Variants in NDUFAF5 observed in about 807,000 individuals in gnomAD.
NDUFAF5 encodes arginine-hydroxylase NDUFAF5, mitochondrial.
A neutral mutation model predicts 48.9 loss-of-function variants in NDUFAF5; 34 were observed. That is an observed-to-expected ratio of 0.70 (90% confidence interval 0.53 to 0.93). The LOEUF (loss-of-function observed/expected upper bound fraction) is 0.93, where lower values mean the gene tolerates loss of function less well. Ranked by LOEUF, NDUFAF5 falls within the 40% of genes least tolerant of loss-of-function variation. NDUFAF5 has a pLI of 0.00. For missense variants in NDUFAF5, 428 were observed against 427.5 expected, an observed-to-expected ratio of 1.00 and a Z score of -0.01; for synonymous variants, 153 against 150.6, an observed-to-expected ratio of 1.02 and a Z score of -0.12.
At chr20:13,814,681 C>T (rs370144182) in intron 8 of NDUFAF5, among the ~76,000 whole-genome samples, 11 of 152,050 alleles carry the variant, frequency 7.2e-5, no homozygotes, top group Admixed American at 2.6e-4. Flanking sequence ...AAGCCCAGGG[C>T]GAGTCGGAAG....
chr20:13,788,577 C>T lies in NDUFAF5; in HGVS notation c.264-12C>T. 1 of 1,574,656 alleles carries T rather than the reference C, an allele frequency of 6.4e-7. No individual in the cohort carries two copies. ...TATGGACAGAGCATAACCTCTGTGT[C>T]TTTTTTTTTAGAAATTTCCCCCTTG... On this transcript the variant is annotated splice_polypyrimidine_tract_variant and intron_variant, in intron 2 of 10. Transcript: ENST00000378106.
At chr20:13,790,945 C>T (rs1177160961) in intron 3 of NDUFAF5, among the ~76,000 whole-genome samples, 3 of 152,280 alleles carry the variant, frequency 2.0e-5, no homozygotes, top group African/African-American at 7.2e-5. Context: ...CTTACAAGCT[C>T]CTGATGTATG....
rs1980759539 is a variant in NDUFAF5 at position 13,785,211 on chromosome 20, A to T, written c.143A>T (p.Asp48Val). The change falls in exon 1 of 11, where the codon GAC becomes GTC. Residue 48 changes from aspartate (D) to valine (V), a missense_variant. By Grantham distance (152) the Asp-to-Val change is radical. Coordinates refer to ENST00000378106, the MANE Select transcript of NDUFAF5 (RefSeq NM_024120.5). ...STSPRTLNIF[D>V]RDLKRKQKNW... ...TCGCCCAGAACCCTGAATATTTTCG[A>T]CCGGGATTTGAAAAGGAAACAGAAG... 6.2e-7 allele frequency: 1 copy of T among 1,613,572 alleles called. No individual in the cohort carries two copies. Among genetic ancestry groups the T allele is most frequent in the African/African-American group, 1.3e-5 (1 of 74,886 alleles).
intron 8 of NDUFAF5, among the ~76,000 whole-genome samples, chr20:13,811,843 T>C (rs1418909941): frequency 6.6e-6 from 1 of 152,132 alleles, no homozygotes; most frequent in East Asian, 1.9e-4. Flanking sequence ...TTTCGATGAA[T>C]GGGGGAAGCA....
At chr20:13,802,066 C>G (rs1300030273) in intron 7 of NDUFAF5, among the ~76,000 whole-genome samples, 1 of 151,946 alleles carries the variant, frequency 6.6e-6, no homozygotes, top group Non-Finnish European at 1.5e-5. Context: ...AATATTACCA[C>G]CAATAACTAC....
At chr20:13,785,847 TAAATATA>T (rs1277370955) in intron 1 of NDUFAF5, among the ~76,000 whole-genome samples, 4 of 152,236 alleles carry the variant, frequency 2.6e-5, no homozygotes, top group African/African-American at 9.6e-5. Flanking sequence ...TGAAATATAT[TAAATATA>T]AATTTAAATT....
chr20:13,788,908 A>G lies in NDUFAF5; in HGVS notation c.327+256A>G, dbSNP rs541390826. On this transcript the variant is annotated intron_variant, in intron 3 of 10. Coordinates refer to ENST00000378106, the MANE Select transcript of NDUFAF5 (RefSeq NM_024120.5). ...TAATTTATTTGAATCTATAGAAGAT[A>G]TATTTCTCTTTGTTCACATTTTTTT... is the stretch of plus-strand genomic sequence containing the variant. Among the ~76,000 whole-genome samples the G allele has an allele frequency of 1.6e-4, 25 of 152,216 alleles. No individual in the cohort carries two copies. In the South Asian group the frequency reaches 4.8e-3, roughly 29 times the overall value.
intron 7 of NDUFAF5, among the ~76,000 whole-genome samples, chr20:13,803,848 C>T (rs6033826): frequency 0.17 from 25,895 of 151,732 alleles, 2,901 homozygotes; most frequent in East Asian, 0.43. Context: ...TGCAATGGCA[C>T]GGTCTTGGCC....
Position 13,801,583 on chromosome 20 carries a change from C to T in NDUFAF5, c.617C>T (p.Thr206Met), listed in dbSNP as rs141758325. 4.0e-5 allele frequency: 64 copies of T among 1,613,950 alleles called. No homozygotes were observed. The East Asian group carries it at 9.8e-4, about 25-fold the overall frequency. ...ELRCSLQLAE[T>M]EREGGFSPHI... ...CGGTGTTCCTTACAGTTAGCGGAAA[C>T]GGAAAGGGAAGGAGGATTTTCTCCA... The change falls in exon 7 of 11, where the codon ACG becomes ATG. Residue 206 changes from threonine (T) to methionine (M), a missense_variant. By Grantham distance (81) the Thr-to-Met change is moderately conservative. Transcript: ENST00000378106.
chr20:13,787,491 T>C lies in NDUFAF5; in HGVS notation c.263+139T>C, dbSNP rs1225910203. ...CTGGTGATTTAAATCACTCTGTAAG[T>C]CTCCTTTTTCTTGTCTGGAGAGCAA... On this transcript the variant is annotated intron_variant, in intron 2 of 10. Transcript: ENST00000378106. The C allele has an allele frequency of 8.4e-6, 7 of 832,340 alleles. No homozygotes were observed. In the East Asian group the frequency reaches 1.7e-4, roughly 20 times the overall value. 51.6% of individuals were successfully genotyped at this position (832,340 alleles called of 1,614,324 possible).
rs1381347814 is a variant in NDUFAF5 at position 13,821,407 on chromosome 20, A to G, written c.*4197A>G. 1 of 152,322 alleles carries G rather than the reference A, an allele frequency of 6.6e-6. No individual in the cohort carries two copies. The highest frequency in any genetic ancestry group is 2.1e-4 in the South Asian group (1 of 4,834). 9.4% of individuals were successfully genotyped at this position (152,322 alleles called of 1,614,324 possible). On this transcript the variant is annotated 3_prime_UTR_variant, in exon 11 of 11. Transcript: ENST00000378106. ...GAGCAGAGGCCTCCAGCCAAAAGCC[A>G]TGTGAGGGAGCCATCTTGGAAGCAA...
chr20:13,785,088 T>C lies in NDUFAF5; in HGVS notation c.20T>C (p.Leu7Pro), dbSNP rs775544697. 6.8e-6 allele frequency: 11 copies of C among 1,612,592 alleles called. No individual in the cohort carries two copies. The highest frequency in any genetic ancestry group is 8.5e-6 in the Non-Finnish European group (10 of 1,179,904). Residue 7 changes from leucine (L) to proline (P), a missense_variant, in exon 1 of 11, where the codon CTC (leucine) becomes CCC (proline). Leu to Pro is a moderately conservative substitution (Grantham distance 98, BLOSUM62 -3). Coordinates refer to ENST00000378106, the MANE Select transcript of NDUFAF5 (RefSeq NM_024120.5). ...CTGGAGATGCTGCGGCCGGCAGGGC[T>C]CTGGCGCTTATGTCGGCGACCTTGG... Reference protein sequence around the residue: MLRPAGLWRLCRRPWAA... With the variant: MLRPAGPWRLCRRPWAA...
chr20:13,815,175 C>T (rs1421796774), intron 8 of NDUFAF5, among the ~76,000 whole-genome samples: 6 of 152,142 alleles, frequency 3.9e-5, no homozygotes, highest in Admixed American at 2.0e-4. Flanking sequence ...GCCATAGCAG[C>T]GAGAAGTTGA....
Position 13,818,523 on chromosome 20 carries a change from A to G in NDUFAF5, c.*1313A>G, listed in dbSNP as rs7266746. ...AAAACAAACTGCGCTAGCCAGGTGC[A>G]ATGGCGCATGCCTGTAGTCCCAGCT... On this transcript the variant is annotated 3_prime_UTR_variant, in exon 11 of 11. Transcript: ENST00000378106. 1.1e-3 allele frequency: 362 copies of G among 327,010 alleles called. 2 individuals carry two copies. Among genetic ancestry groups the G allele is most frequent in the African/African-American group, 7.1e-3 (321 of 45,512 alleles). The allele number at this position is 327,010 out of a possible 1,614,324, so 20.3% of individuals were successfully genotyped here. A position where few individuals can be genotyped will look rare whatever the true frequency, so the allele number is the denominator to read the frequency against.
intron 5 of NDUFAF5, among the ~76,000 whole-genome samples, chr20:13,795,365 GA>G (rs1020978041): frequency 2.1e-4 from 32 of 151,338 alleles, no homozygotes; most frequent in Admixed American, 1.3e-3. Context: ...CAAGTTGGGG[GA>G]AAAAAAAGTT....
rs959905593 is a variant in NDUFAF5 at position 13,818,326 on chromosome 20, A to G, written c.*1116A>G. ...AAGATTTGTAGGAGAAAAAGAAATT[A>G]TTGTTCCCTTCAGTTTGAAAAATCA... is the stretch of plus-strand genomic sequence containing the variant. On this transcript the variant is annotated 3_prime_UTR_variant, in exon 11 of 11. Coordinates refer to ENST00000378106, the MANE Select transcript of NDUFAF5 (RefSeq NM_024120.5). 2.1e-5 allele frequency: 9 copies of G among 425,122 alleles called. No individual in the cohort carries two copies. Among genetic ancestry groups the G allele is most frequent in the Admixed American group, 7.9e-5 (3 of 38,150 alleles). The allele number at this position is 425,122 out of a possible 1,614,324, so 26.3% of individuals were successfully genotyped here. A position where few individuals can be genotyped will look rare whatever the true frequency, so the allele number is the denominator to read the frequency against.
chr20:13,797,278 G>A (rs996868697), intron 5 of NDUFAF5, among the ~76,000 whole-genome samples: 2 of 152,148 alleles, frequency 1.3e-5, no homozygotes, highest in African/African-American at 2.4e-5. Flanking sequence ...TTACGTCCAC[G>A]CAAAAACCTG....
chr20:13,798,545 T>C lies in NDUFAF5; in HGVS notation c.519+45T>C, dbSNP rs368580132. 1.5e-3 allele frequency: 2,119 copies of C among 1,413,356 alleles called. 6 individuals are homozygous for C. Among genetic ancestry groups the C allele is most frequent in the Non-Finnish European group, 2.0e-3 (2,008 of 997,368 alleles). 87.6% of individuals were successfully genotyped at this position (1,413,356 alleles called of 1,614,324 possible). ...TTCAACTATCTTGTGTTATTTTCTT[T>C]ATTGTTAGAAATCTACAGATGTTTC... On this transcript the variant is annotated intron_variant, in intron 6 of 10. Transcript: ENST00000378106.
intron 8 of NDUFAF5, among the ~76,000 whole-genome samples, chr20:13,815,863 A>C (rs1401710630): frequency 6.6e-6 from 1 of 152,224 alleles, no homozygotes; most frequent in Non-Finnish European, 1.5e-5. Context: ...TTTCACCATC[A>C]ACTCGAAGGA....
Sources: gnomAD v4.1 joint callset for allele counts (sites outside exome capture counted in the v4.1 genomes callset) on GRCh38, gnomAD v4.1.1 for gene constraint, MANE v1.5 for transcripts, NCBI Gene and HGNC (gene_info 2026-07-23, HGNC 2026-07-21) for gene names.